The following GRM3 variants were observed in gnomAD, a reference collection of about 807,000 sequenced individuals.
The protein encoded by GRM3 is metabotropic glutamate receptor 3.
GRM3 carries 26 observed loss-of-function variants against 70.5 expected under a neutral mutation model. That is an observed-to-expected ratio of 0.37 (90% CI 0.27 to 0.51). The LOEUF (loss-of-function observed/expected upper bound fraction) is 0.51. GRM3 is among the 20% of genes least tolerant of loss of function. GRM3 has a pLI of 0.93. For synonymous variants in GRM3, 443 were observed against 434.9 expected, an observed-to-expected ratio of 1.02 and a Z score of -0.23; for missense variants, 859 against 1,123.8, an observed-to-expected ratio of 0.76 and a Z score of 3.37.
chr7:86,770,672 C>A (rs1796717349), intron 2 of GRM3, among the ~76,000 whole-genome samples: 1 of 152,116 alleles, frequency 6.6e-6, no homozygotes, highest in South Asian at 2.1e-4. Flanking sequence ...ATGATTCATT[C>A]CTCCTTTAAA....
chr7:86,837,485 T>C (rs28370356), intron 3 of GRM3, among the ~76,000 whole-genome samples: 9,799 of 152,266 alleles, frequency 0.064, 969 homozygotes, highest in African/African-American at 0.22. Context: ...TTCCATAGTA[T>C]GGAAGTAGCT....
intron 1 of GRM3, among the ~76,000 whole-genome samples, chr7:86,672,289 C>T (rs1407574045): frequency 3.3e-5 from 5 of 152,064 alleles, no homozygotes; most frequent in African/African-American, 1.2e-4. Flanking sequence ...CCTACTTTGC[C>T]TTATCCTCTA....
chr7:86,654,207 G>T (rs913164562), intron 1 of GRM3, among the ~76,000 whole-genome samples: 3 of 152,120 alleles, frequency 2.0e-5, no homozygotes, highest in Non-Finnish European at 4.4e-5. Context: ...GCTCAGCCTG[G>T]GCCACCAGCT....
At chr7:86,754,504 T>C (rs901898513) in intron 1 of GRM3, among the ~76,000 whole-genome samples, 2 of 152,098 alleles carry the variant, frequency 1.3e-5, no homozygotes, top group Non-Finnish European at 2.9e-5. Context: ...AGAGCTGTCA[T>C]TAATACAGTA....
At chr7:86,763,467 G>C (rs1027374557) in intron 1 of GRM3, among the ~76,000 whole-genome samples, 1 of 152,142 alleles carries the variant, frequency 6.6e-6, no homozygotes, top group African/African-American at 2.4e-5. Flanking sequence ...GAATTCAACA[G>C]CAGGTACATA....
chr7:86,804,655 C>G (rs1797750902), intron 3 of GRM3, among the ~76,000 whole-genome samples: 1 of 152,186 alleles, frequency 6.6e-6, no homozygotes, highest in African/African-American at 2.4e-5. Flanking sequence ...AGATGATCCG[C>G]CCGCCTTGGC....
chr7:86,738,230 C>T (rs1248137904), intron 1 of GRM3, among the ~76,000 whole-genome samples: 1 of 152,170 alleles, frequency 6.6e-6, no homozygotes, highest in Non-Finnish European at 1.5e-5. Context: ...CGACTAACTC[C>T]TCTGCTCCCA....
intron 1 of GRM3, among the ~76,000 whole-genome samples, chr7:86,740,870 T>C (rs948947509): frequency 1.3e-5 from 2 of 152,206 alleles, no homozygotes; most frequent in African/African-American, 4.8e-5. Context: ...ATCCATTTTT[T>C]TCCTGTGGTA....
chr7:86,839,401 A>G lies in GRM3; in HGVS notation c.1887A>G (p.Thr629=), dbSNP rs200983283. ...LFGVGLSYCM[T]FFFIAKPSPV... ...GGGTTGGCCTGTCATACTGCATGAC[A>G]TTCTTCTTCATTGCCAAGCCATCAC... Residue 629 remains threonine, a synonymous_variant, in exon 4 of 6, where the codon ACA becomes ACG. Transcript: ENST00000361669. This position sits in a 1 kb window ranked among gnomAD's most constrained non-coding sequence, Gnocchi z 4.5. 280 of 1,614,046 alleles carry G rather than the reference A, an allele frequency of 1.7e-4. No individual in the cohort carries two copies. In the Middle Eastern group the frequency reaches 1.8e-3, roughly 10 times the overall value.
At chr7:86,756,612 A>T (rs968995763) in intron 1 of GRM3, among the ~76,000 whole-genome samples, 2 of 152,096 alleles carry the variant, frequency 1.3e-5, no homozygotes, top group African/African-American at 4.8e-5. Context: ...GTGCTGCTTT[A>T]TTCTGATTGT....
intron 5 of GRM3, among the ~76,000 whole-genome samples, chr7:86,855,255 A>G (rs938173222): frequency 3.3e-5 from 5 of 152,210 alleles, no homozygotes; most frequent in African/African-American, 4.8e-5. Flanking sequence ...AGCTGGAAGT[A>G]CACATGAAGT....
chr7:86,735,361 A>G (rs549892590), intron 1 of GRM3, among the ~76,000 whole-genome samples: 1 of 152,344 alleles, frequency 6.6e-6, no homozygotes, highest in South Asian at 2.1e-4. Flanking sequence ...AGTCAGACAA[A>G]AAAAAATCCC....
intron 1 of GRM3, among the ~76,000 whole-genome samples, chr7:86,693,092 T>C (rs1464902848): frequency 6.6e-6 from 1 of 152,170 alleles, no homozygotes; most frequent in African/African-American, 2.4e-5. Context: ...ATGGATATTA[T>C]AGAGGGTGAA....
At chr7:86,744,614 T>C in intron 1 of GRM3, among the ~76,000 whole-genome samples, 1 of 151,982 alleles carries the variant, frequency 6.6e-6, no homozygotes, top group Admixed American at 6.6e-5. Flanking sequence ...ATCTACAATG[T>C]GAGGTTAGTG....
intron 1 of GRM3, among the ~76,000 whole-genome samples, chr7:86,723,758 A>C (rs1348669203): frequency 6.6e-6 from 1 of 152,072 alleles, no homozygotes; most frequent in Non-Finnish European, 1.5e-5. Flanking sequence ...TGAGGACTTT[A>C]AAGTTTTCTC....
At chr7:86,726,970 G>A (rs1055872391) in intron 1 of GRM3, among the ~76,000 whole-genome samples, 4 of 152,120 alleles carry the variant, frequency 2.6e-5, no homozygotes, top group African/African-American at 9.7e-5. Context: ...AGACCCAAGT[G>A]GGAATCAAAT....
intron 2 of GRM3, among the ~76,000 whole-genome samples, chr7:86,770,654 T>TAAGAA (rs1796716959): frequency 1.3e-5 from 2 of 152,132 alleles, no homozygotes; most frequent in Non-Finnish European, 2.9e-5. Context: ...AAGCATTGGT[T>TAAGAA]TCTTTCAATG....
chr7:86,812,736 G>C (rs1168439588), intron 3 of GRM3, among the ~76,000 whole-genome samples: 1 of 151,692 alleles, frequency 6.6e-6, no homozygotes, highest in African/African-American at 2.4e-5. Context: ...GGTCTATTTG[G>C]GGAGAAAATA....
At chr7:86,835,385 T>C (rs1399640021) in intron 3 of GRM3, among the ~76,000 whole-genome samples, 1 of 152,090 alleles carries the variant, frequency 6.6e-6, no homozygotes, top group Non-Finnish European at 1.5e-5. Context: ...AGGAAAGCCA[T>C]AAAAGTAGTA....
Sources: allele counts gnomAD v4.1 joint callset (sites outside exome capture counted in the v4.1 genomes callset), GRCh38; gene constraint gnomAD v4.1.1; non-coding constraint Gnocchi (gnomAD v3.1); transcripts MANE v1.5; gene names NCBI Gene and HGNC (gene_info 2026-07-23, HGNC 2026-07-21).